SFMBT1: variants seen among roughly 807,000 people sequenced by gnomAD.
The protein encoded by SFMBT1 is Scm like with four mbt domains 1, also known as scm-like with four MBT domains protein 1.
A neutral mutation model predicts 108.7 loss-of-function variants in SFMBT1; 32 were observed. The observed-to-expected ratio is 0.29, with a 90% CI of 0.22 to 0.40. SFMBT1 has a LOEUF of 0.40. Among genes scored for constraint, SFMBT1 ranks in the 10% least tolerant of loss-of-function variants. The pLI is 1.00. For synonymous variants in SFMBT1, 348 were observed against 369.5 expected (o/e 0.94, Z 0.67); for missense variants, 816 against 1,059.6 (o/e 0.77, Z 3.19).
intron 17 of SFMBT1, among the ~76,000 whole-genome samples, chr3:52,910,354 C>T (rs527372039): frequency 6.6e-6 from 1 of 152,192 alleles, no homozygotes; most frequent in Admixed American, 6.5e-5. Context: ...AATTACATAT[C>T]CTATTAGATA....
intron 1 of SFMBT1, among the ~76,000 whole-genome samples, chr3:52,973,330 C>A (rs1336498124): frequency 6.6e-6 from 1 of 152,066 alleles, no homozygotes; most frequent in African/African-American, 2.4e-5. Context: ...TAAATAGGTG[C>A]CTAGATATTT....
At chr3:52,934,232 T>C (rs1016087952) in intron 5 of SFMBT1, among the ~76,000 whole-genome samples, 4 of 152,142 alleles carry the variant, frequency 2.6e-5, no homozygotes, top group African/African-American at 9.7e-5. Context: ...TACATTGCAT[T>C]TCACATATGC....
At chr3:52,975,328 A>AT (rs1215292767) in intron 1 of SFMBT1, among the ~76,000 whole-genome samples, 4 of 151,938 alleles carry the variant, frequency 2.6e-5, no homozygotes, top group Admixed American at 1.3e-4. Flanking sequence ...CCAATAGGGC[A>AT]TTTTTTTTCT....
chr3:53,006,645 T>C (rs573106719), intron 1 of SFMBT1, among the ~76,000 whole-genome samples: 3 of 141,566 alleles, frequency 2.1e-5, no homozygotes, highest in Admixed American at 2.1e-4. Flanking sequence ...AAAAAAAGTA[T>C]ACAGGAGGAT....
intron 1 of SFMBT1, among the ~76,000 whole-genome samples, chr3:52,973,510 A>C (rs1704417217): frequency 6.6e-6 from 1 of 152,232 alleles, no homozygotes; most frequent in Non-Finnish European, 1.5e-5. Context: ...CTGAATAGCT[A>C]TTTCATTTTT....
intron 1 of SFMBT1, among the ~76,000 whole-genome samples, chr3:52,972,466 G>A (rs578070518): frequency 3.3e-5 from 5 of 152,066 alleles, no homozygotes; most frequent in African/African-American, 7.2e-5. Flanking sequence ...AAGAAAAAAC[G>A]GTAAACTATC....
chr3:52,996,376 C>T lies in SFMBT1; in HGVS notation c.-130-27118G>A, dbSNP rs1015679227. 1.3e-5 allele frequency among the ~76,000 whole-genome samples: 2 copies of T among 148,912 alleles called. 1 individual carries two copies. Among genetic ancestry groups the T allele is most frequent in the Non-Finnish European group, 3.0e-5 (2 of 66,506 alleles). Reference sequence around the variant, plus strand: ...TACAGGCGCACGCCACCACACCCAGCTAATTTTTGTATTTTTTTAGTAGAG... The same window carrying T: ...TACAGGCGCACGCCACCACACCCAGTTAATTTTTGTATTTTTTTAGTAGAG... On this transcript the variant is annotated intron_variant, in intron 1 of 20. Transcript: ENST00000394752.
At chr3:52,939,467 A>G (rs1703116901) in intron 4 of SFMBT1, among the ~76,000 whole-genome samples, 4 of 152,140 alleles carry the variant, frequency 2.6e-5, no homozygotes, top group Admixed American at 2.6e-4. Context: ...CCAGCTACTC[A>G]GGAGGCTGAG....
chr3:52,973,529 C>G (rs2106866570), intron 1 of SFMBT1, among the ~76,000 whole-genome samples: 1 of 152,192 alleles, frequency 6.6e-6, no homozygotes, highest in East Asian at 1.9e-4. Context: ...TTAAGTGGTA[C>G]ATCAATATAA....
chr3:52,916,356 CTT>C (rs71087030), intron 13 of SFMBT1, 142 bp from the exon 14 acceptor site: 69,375 of 343,122 alleles, frequency 0.2, 17 homozygotes, highest in Middle Eastern at 0.25. Context: ...CTTGATGATA[CTT>C]TTTTTTTTTT....
intron 6 of SFMBT1, among the ~76,000 whole-genome samples, chr3:52,931,598 G>A (rs1247885500): frequency 6.6e-6 from 1 of 152,124 alleles, no homozygotes; most frequent in Non-Finnish European, 1.5e-5. Flanking sequence ...CCAGCATTAC[G>A]GGAGGCTGAG....
intron 1 of SFMBT1, among the ~76,000 whole-genome samples, chr3:52,999,544 A>G (rs1304429144): frequency 6.7e-6 from 1 of 150,324 alleles, no homozygotes; most frequent in Non-Finnish European, 1.5e-5. Flanking sequence ...GTATCCCTTC[A>G]GCTTCCAGAG....
intron 1 of SFMBT1, among the ~76,000 whole-genome samples, chr3:52,974,925 T>C (rs1471529769): frequency 6.6e-6 from 1 of 151,190 alleles, no homozygotes; most frequent in Non-Finnish European, 1.5e-5. Flanking sequence ...GAGAATTGCT[T>C]GAACCCAGGG....
At chr3:52,906,319 A>G in intron 19 of SFMBT1, 78 bp from the exon 20 acceptor site, 6 of 1,603,246 alleles carry the variant, frequency 3.7e-6, no homozygotes, top group Non-Finnish European at 5.1e-6. Flanking sequence ...ACCTAAATTC[A>G]TAATCTTTCA....
At chr3:52,941,617 A>AAAAG (rs55832866) in intron 4 of SFMBT1, among the ~76,000 whole-genome samples, 1 of 146,384 alleles carries the variant, frequency 6.8e-6, no homozygotes, top group Non-Finnish European at 1.5e-5. Context: ...AAAAAAAAAA[A>AAAAG]GTTATTGGGC....
intron 1 of SFMBT1, among the ~76,000 whole-genome samples, chr3:53,023,339 T>C (rs1699376736): frequency 6.6e-6 from 1 of 152,250 alleles, no homozygotes; most frequent in Admixed American, 6.5e-5. Context: ...TTCTAGAGGC[T>C]GAGTTCAGTT....
At chr3:52,930,872 T>G in intron 7 of SFMBT1, 69 bp downstream of exon 7, 1 of 1,331,522 alleles carries the variant, frequency 7.5e-7, no homozygotes, top group Non-Finnish European at 1.1e-6. Flanking sequence ...CTTTACACTT[T>G]CACCTCCTGC....
At chr3:52,959,934 T>C (rs1000477121) in intron 2 of SFMBT1, among the ~76,000 whole-genome samples, 3 of 152,032 alleles carry the variant, frequency 2.0e-5, no homozygotes, top group Admixed American at 6.6e-5. Context: ...AATAAACTGC[T>C]GAATGAGTAC....
chr3:52,956,947 T>G (rs1048135639), intron 2 of SFMBT1, among the ~76,000 whole-genome samples: 4 of 152,038 alleles, frequency 2.6e-5, no homozygotes, highest in Non-Finnish European at 5.9e-5. Flanking sequence ...CCACTCCTAT[T>G]AAACATAGTA....
Sources: gnomAD v4.1 joint callset for allele counts (sites outside exome capture counted in the v4.1 genomes callset) on GRCh38, gnomAD v4.1.1 for gene constraint, MANE v1.5 for transcripts, NCBI Gene and HGNC (gene_info 2026-07-23, HGNC 2026-07-21) for gene names.